Variants in KIF1A observed in about 807,000 individuals in gnomAD.
The protein encoded by KIF1A is kinesin family member 1A.
Under a neutral mutation model 227.3 loss-of-function variants are expected in KIF1A, and 46 were observed. That is an observed-to-expected ratio of 0.20 (90% CI 0.16 to 0.26). The LOEUF is 0.26. Ranked by LOEUF, KIF1A falls within the 10% of genes least tolerant of loss-of-function variation. The probability of loss-of-function intolerance (pLI) is 1.00; values close to 1 mark genes in which losing one functional copy is unlikely to be tolerated. For synonymous variants in KIF1A, 1,022 were observed against 1,012.8 expected (o/e 1.01, Z -0.17); for missense variants, 1,683 against 2,485.9 (o/e 0.68, Z 6.87).
chr2:240,797,813 C>A lies in KIF1A; in HGVS notation c.-60-1G>T. Reference sequence around the variant, plus strand: ...GGGAGCCCCAGTGTGGGGGGAACACCTTGGAAAAAAGGGAAACATGAATTA... The same window carrying A: ...GGGAGCCCCAGTGTGGGGGGAACACATTGGAAAAAAGGGAAACATGAATTA... On this transcript the variant is annotated splice_acceptor_variant, in intron 1 of 48. Transcript: ENST00000498729. LOFTEE classifies it low-confidence loss of function (5UTR_SPLICE). 9.5e-7 allele frequency: 1 copy of A among 1,051,410 alleles called. No homozygotes were observed. The allele number at this position is 1,051,410 out of a possible 1,614,324, so 65.1% of individuals were successfully genotyped here.
At position 240,758,513 on chromosome 2, in the gene KIF1A, G is replaced by T. The variant is rs1254377709; in HGVS notation, c.2445-16C>A. Reference sequence around the variant, plus strand: ...CAGACGCTGCCTGCAGGGACGGCAGGGGTCAATGTGGACCCAGGCCCAGCG... The same window carrying T: ...CAGACGCTGCCTGCAGGGACGGCAGTGGTCAATGTGGACCCAGGCCCAGCG... On this transcript the variant is annotated splice_polypyrimidine_tract_variant and intron_variant, in intron 25 of 48. Coordinates refer to ENST00000498729, the MANE Select transcript of KIF1A (RefSeq NM_001244008.2). This position sits in a 1 kb window ranked among gnomAD's most constrained non-coding sequence, Gnocchi z 5.2. The T allele has an allele frequency of 1.3e-6, 2 of 1,551,660 alleles. No individual in the cohort carries two copies. Among genetic ancestry groups the T allele is most frequent in the East Asian group, 4.7e-5 (2 of 42,960 alleles).
chr2:240,818,533 T>TCCACTCCTGACTGCC (rs552441484), intron 1 of KIF1A: 4 of 153,476 alleles, frequency 2.6e-5, no homozygotes, highest in Non-Finnish European at 5.8e-5. Flanking sequence ...CCACATCTGC[T>TCCACTCCTGACTGCC]CCACTCCTGA....
At chr2:240,787,431 T>C in intron 4 of KIF1A, 115 bp from the exon 5 acceptor site, 1 of 827,732 alleles carries the variant, frequency 1.2e-6, no homozygotes, top group East Asian at 2.5e-5. Flanking sequence ...CTCAGGCCCC[T>C]CTTGCACCCT....
At position 240,790,372 on chromosome 2, in the gene KIF1A, G is replaced by T. The variant is rs1490872521; in HGVS notation, c.107-1060C>A. Among the ~76,000 whole-genome samples the T allele has an allele frequency of 6.6e-6, 1 of 151,940 alleles. No homozygotes were observed. Among genetic ancestry groups the T allele is most frequent in the Non-Finnish European group, 1.5e-5 (1 of 68,022 alleles). On this transcript the variant is annotated intron_variant, in intron 2 of 48. Coordinates refer to ENST00000498729, the MANE Select transcript of KIF1A (RefSeq NM_001244008.2). The surrounding 1 kb of genome is among the most constrained non-coding windows in gnomAD (Gnocchi z 5.0). ...GCCCTCATGGCACCGTCCTATGCTT[G>T]GAGATGAAGGCTGGAGATGAGGCTG... is the stretch of plus-strand genomic sequence containing the variant.
In KIF1A at chr2:240,757,043, C is replaced by T. The variant is rs997987841; in HGVS notation, c.2858+276G>A. Among the ~76,000 whole-genome samples the T allele has an allele frequency of 1.3e-5, 2 of 152,224 alleles. No homozygotes were observed. The highest frequency in any genetic ancestry group is 4.8e-5 in the African/African-American group (2 of 41,462). ...TCCCACCTGCCTGGGGCCACAGCTG[C>T]AAGCTCCGGGGTGCACTACCTCTTC... On this transcript the variant is annotated intron_variant, in intron 27 of 48. Transcript: ENST00000498729. The surrounding 1 kb of genome is among the most constrained non-coding windows in gnomAD (Gnocchi z 6.2).
At chr2:240,777,489 G>A (rs371745328) in intron 10 of KIF1A, among the ~76,000 whole-genome samples, 274 of 152,040 alleles carry the variant, frequency 1.8e-3, no homozygotes, top group African/African-American at 5.9e-3. Flanking sequence ...CTCCCTCACC[G>A]CCTCCCTGTC....
At chr2:240,743,842 G>A in intron 33 of KIF1A, 100 bp downstream of exon 33, 1 of 783,910 alleles carries the variant, frequency 1.3e-6, no homozygotes, top group East Asian at 2.5e-5. Context: ...TGGGTTTCAG[G>A]GGGTGCATAG....
Position 240,758,291 on chromosome 2 carries a change from A to T in KIF1A, c.2582+69T>A, listed in dbSNP as rs2050107708. 6.5e-7 allele frequency: 1 copy of T among 1,535,632 alleles called. No individual in the cohort carries two copies. On this transcript the variant is annotated intron_variant, in intron 26 of 48. Transcript: ENST00000498729. This position sits in a 1 kb window ranked among gnomAD's most constrained non-coding sequence, Gnocchi z 5.2. ...CGCTCCTTGTATCAGGCCAGGGCCC[A>T]CTCCTACCCCCACTGCCATCTCTCT...
chr2:240,779,929 G>A (rs998260011), intron 10 of KIF1A, among the ~76,000 whole-genome samples: 3 of 151,976 alleles, frequency 2.0e-5, no homozygotes, highest in African/African-American at 7.3e-5. Context: ...CGGTGCTTCC[G>A]TTTTCAAACA....
chr2:240,723,507 C>T lies in KIF1A; in HGVS notation c.4370G>A (p.Arg1457Gln), dbSNP rs1460326204. Residue 1457 changes from arginine to glutamine, a missense_variant, in exon 42 of 49, where the codon CGG becomes CAG. Arg to Gln is a conservative substitution (Grantham distance 43, BLOSUM62 1). This residue lies in a region of KIF1A where 759 missense variants were observed against 1,020.2 expected (regional missense o/e 0.74). Transcript: ENST00000498729. ...RVLDTSVAYV[R>Q]GEENLAGWRP... ...CCAGCCTGCCAGGTTCTCCTCGCCC[C>T]GGACATAGGCCACAGATGTGTCCAG... is the stretch of plus-strand genomic sequence containing the variant. 3.9e-6 allele frequency: 6 copies of T among 1,552,046 alleles called. No individual in the cohort carries two copies. The highest frequency in any genetic ancestry group is 1.2e-5 in the South Asian group (1 of 84,098).
intron 19 of KIF1A, 148 bp from the exon 20 acceptor site, chr2:240,765,941 T>A (rs2051115653): frequency 3.1e-6 from 2 of 645,494 alleles, no homozygotes; most frequent in Non-Finnish European, 5.5e-6. Context: ...TTGGCAACAC[T>A]CATTTGGGCC....
intron 1 of KIF1A, among the ~76,000 whole-genome samples, chr2:240,812,806 A>AGGG (rs202178398): frequency 8.2e-6 from 1 of 121,370 alleles, no homozygotes; most frequent in Admixed American, 9.4e-5. Flanking sequence ...CTTCACCTCA[A>AGGG]GATCCACCTT....
Position 240,739,096 on chromosome 2 carries a change from C to T in KIF1A, c.3901+962G>A, listed in dbSNP as rs1037317497. 1.4e-4 allele frequency among the ~76,000 whole-genome samples: 22 copies of T among 152,208 alleles called. No homozygotes were observed. Among genetic ancestry groups the T allele is most frequent in the Non-Finnish European group, 5.9e-5 (4 of 68,038 alleles). On this transcript the variant is annotated intron_variant, in intron 37 of 48. Transcript: ENST00000498729. The surrounding 1 kb of genome is among the most constrained non-coding windows in gnomAD (Gnocchi z 5.6). ...AGACACAAAACTTGTAAAACATAAGCATGTATCCTGGTGTACCTGGAACCT... is the reference window on the plus strand; with the variant it reads ...AGACACAAAACTTGTAAAACATAAGTATGTATCCTGGTGTACCTGGAACCT...
intron 10 of KIF1A, among the ~76,000 whole-genome samples, chr2:240,781,431 C>CCACACACACACACACAGCTCCACA (rs2053949427): frequency 4.6e-5 from 1 of 21,934 alleles, no homozygotes; most frequent in Non-Finnish European, 8.0e-5. Flanking sequence ...ACACACAGCT[C>CCACACACACACACACAGCTCCACA]CACACACACA....
In KIF1A at chr2:240,758,593, G is replaced by C; in HGVS notation, c.2445-96C>G. 7.7e-7 allele frequency: 1 copy of C among 1,292,268 alleles called. No individual in the cohort carries two copies. Among genetic ancestry groups the C allele is most frequent in the Non-Finnish European group, 1.0e-6 (1 of 984,234 alleles). The allele number at this position is 1,292,268 out of a possible 1,614,324, so 80.1% of individuals were successfully genotyped here. A position where few individuals can be genotyped will look rare whatever the true frequency, so the allele number is the denominator to read the frequency against. ...TCCTGGGGACAGTGGGCTCAGCCTAGCTCTGGCCACCACATCCAGCTCAGG... is the reference window on the plus strand; with the variant it reads ...TCCTGGGGACAGTGGGCTCAGCCTACCTCTGGCCACCACATCCAGCTCAGG... On this transcript the variant is annotated intron_variant, in intron 25 of 48. Transcript: ENST00000498729. The surrounding 1 kb of genome is among the most constrained non-coding windows in gnomAD (Gnocchi z 5.2).
At position 240,805,008 on chromosome 2, in the gene KIF1A, A is replaced by G. The variant is rs184782175; in HGVS notation, c.-60-7196T>C. ...TCACCAAAAAAGGAGAGGAGAGAAG[A>G]AGGAAAGGGAAGGGAAGGGGAGGGG... On this transcript the variant is annotated intron_variant, in intron 1 of 48. Coordinates refer to ENST00000498729, the MANE Select transcript of KIF1A (RefSeq NM_001244008.2). 5.9e-3 allele frequency among the ~76,000 whole-genome samples: 855 copies of G among 145,690 alleles called. 16 individuals are homozygous for G. The highest frequency in any genetic ancestry group is 0.021 in the African/African-American group (836 of 39,570).
At chr2:240,796,875 G>A (rs2056456571) in intron 2 of KIF1A, among the ~76,000 whole-genome samples, 1 of 151,272 alleles carries the variant, frequency 6.6e-6, no homozygotes, top group African/African-American at 2.5e-5. Flanking sequence ...AAGCTTCCAT[G>A]GGACCTGAGT....
Position 240,740,604 on chromosome 2 carries a change from G to A in KIF1A, c.3750-240C>T, listed in dbSNP as rs963372684. ...GGCAGGGTGTCCAACAAGGAGACACGGTATGGCACAGCCTGGCCCCTCTGG... is the reference window on the plus strand; with the variant it reads ...GGCAGGGTGTCCAACAAGGAGACACAGTATGGCACAGCCTGGCCCCTCTGG... On this transcript the variant is annotated intron_variant, in intron 35 of 48. Coordinates refer to ENST00000498729, the MANE Select transcript of KIF1A (RefSeq NM_001244008.2). The surrounding 1 kb of genome is among the most constrained non-coding windows in gnomAD (Gnocchi z 6.1). 6.6e-5 allele frequency among the ~76,000 whole-genome samples: 10 copies of A among 152,086 alleles called. No homozygotes were observed. The highest frequency in any genetic ancestry group is 1.9e-4 in the East Asian group (1 of 5,138).
Position 240,739,337 on chromosome 2 carries a change from C to T in KIF1A, c.3901+721G>A, listed in dbSNP as rs763682760. Reference sequence around the variant, plus strand: ...CCGCTTTAGCAAAGGAAACATTTGGCGGACCCGAATTCGAAACATGAGGTC... The same window carrying T: ...CCGCTTTAGCAAAGGAAACATTTGGTGGACCCGAATTCGAAACATGAGGTC... On this transcript the variant is annotated intron_variant, in intron 37 of 48. Transcript: ENST00000498729. The surrounding 1 kb of genome is among the most constrained non-coding windows in gnomAD (Gnocchi z 5.6). 2.6e-5 allele frequency among the ~76,000 whole-genome samples: 4 copies of T among 152,160 alleles called. No individual in the cohort carries two copies. Among genetic ancestry groups the T allele is most frequent in the Admixed American group, 1.3e-4 (2 of 15,290 alleles).
Sources: allele counts gnomAD v4.1 joint callset (sites outside exome capture counted in the v4.1 genomes callset), GRCh38; gene constraint gnomAD v4.1.1; regional missense constraint gnomAD v4.1.1; non-coding constraint Gnocchi (gnomAD v3.1); transcripts MANE v1.5; gene names NCBI Gene and HGNC (gene_info 2026-07-23, HGNC 2026-07-21).